THSD7B: variants seen among roughly 807,000 people sequenced by gnomAD.
THSD7B encodes thrombospondin type-1 domain-containing protein 7B.
A neutral mutation model predicts 213.6 loss-of-function variants in THSD7B; 138 were observed. The observed-to-expected ratio is 0.65, with a 90% CI of 0.56 to 0.74. THSD7B has a LOEUF of 0.74. THSD7B is among the 30% of genes least tolerant of loss of function. THSD7B has a pLI of 0.00. For synonymous variants in THSD7B, 742 were observed against 687.0 expected, an observed-to-expected ratio of 1.08 and a Z score of -1.25; for missense variants, 1,931 against 1,991.5, an observed-to-expected ratio of 0.97 and a Z score of 0.58.
chr2:137,421,438 TG>T (rs1201192026), intron 14 of THSD7B, among the ~76,000 whole-genome samples: 2 of 152,196 alleles, frequency 1.3e-5, no homozygotes, highest in Admixed American at 6.5e-5. Flanking sequence ...ATTAATTTGC[TG>T]GAGTAGTTCA....
chr2:137,664,189 A>C (rs116404293), intron 26 of THSD7B, among the ~76,000 whole-genome samples: 1 of 152,322 alleles, frequency 6.6e-6, no homozygotes, highest in African/African-American at 2.4e-5. Context: ...TCTCTGAAAA[A>C]TGATCTACTC....
chr2:137,522,518 T>A (rs940375775), intron 15 of THSD7B, among the ~76,000 whole-genome samples: 1 of 151,940 alleles, frequency 6.6e-6, no homozygotes, highest in Non-Finnish European at 1.5e-5. Flanking sequence ...AAGAAAGCAA[T>A]TCAGAGTCAC....
intron 12 of THSD7B, among the ~76,000 whole-genome samples, chr2:137,324,808 A>G (rs1004399556): frequency 6.6e-6 from 1 of 152,244 alleles, no homozygotes; most frequent in Non-Finnish European, 1.5e-5. Flanking sequence ...CAAGAAGACA[A>G]ATTAAAATTA....
At chr2:137,358,082 G>A (rs780203217) in intron 12 of THSD7B, among the ~76,000 whole-genome samples, 1 of 152,092 alleles carries the variant, frequency 6.6e-6, no homozygotes, top group Non-Finnish European at 1.5e-5. Context: ...GAAGTGAACA[G>A]CTTTGCCCTC....
At chr2:136,976,005 A>G (rs954340250) in intron 2 of THSD7B, among the ~76,000 whole-genome samples, 1 of 152,178 alleles carries the variant, frequency 6.6e-6, no homozygotes, top group African/African-American at 2.4e-5. Flanking sequence ...TTTGATGTAT[A>G]GGAATGCTTG....
intron 17 of THSD7B, among the ~76,000 whole-genome samples, chr2:137,591,608 T>G (rs1470811236): frequency 6.6e-6 from 1 of 151,960 alleles, no homozygotes; most frequent in South Asian, 2.1e-4. Context: ...ATTGGTTCCA[T>G]GTATTATGTT....
At chr2:137,207,530 G>A (rs1276883953) in intron 7 of THSD7B, among the ~76,000 whole-genome samples, 2 of 152,064 alleles carry the variant, frequency 1.3e-5, no homozygotes, top group African/African-American at 4.8e-5. Context: ...CAAATTGTTT[G>A]CAAGAAGAAG....
At chr2:137,667,728 A>G (rs150394950) in intron 26 of THSD7B, 46 bp from the exon 27 acceptor site, 2 of 1,493,768 alleles carry the variant, frequency 1.3e-6, no homozygotes, top group South Asian at 1.2e-5. Context: ...CAAATGCTGC[A>G]GACTTCTGTA....
chr2:137,042,175 A>G (rs1686895869), intron 2 of THSD7B, among the ~76,000 whole-genome samples: 1 of 152,074 alleles, frequency 6.6e-6, no homozygotes, highest in Non-Finnish European at 1.5e-5. Flanking sequence ...TGATGTGTTC[A>G]TTGTTTTGTG....
intron 12 of THSD7B, among the ~76,000 whole-genome samples, chr2:137,318,870 C>T (rs10928606): frequency 0.56 from 80,908 of 144,016 alleles, 25,241 homozygotes; most frequent in East Asian, 0.77. Context: ...TCTCGGCTCA[C>T]TGCAACCTCT....
At chr2:137,101,799 C>T (rs1374098508) in intron 4 of THSD7B, among the ~76,000 whole-genome samples, 7 of 152,152 alleles carry the variant, frequency 4.6e-5, no homozygotes, top group Non-Finnish European at 1.0e-4. Context: ...TGGAGTCCAC[C>T]ACCGCGCCAC....
chr2:136,825,873 A>G (rs1682639793), intron 1 of THSD7B, among the ~76,000 whole-genome samples: 1 of 151,920 alleles, frequency 6.6e-6, no homozygotes, highest in Admixed American at 6.6e-5. Context: ...TTTTAAGTAC[A>G]CATATGACTA....
rs142265802 is a variant in THSD7B, at chr2:137,454,142, G to A, written c.3138+3119G>A. On this transcript the variant is annotated intron_variant, in intron 15 of 27. Transcript: ENST00000409968. The stretch of plus-strand genomic sequence containing the variant: ...GTAAATGCCCAGCAATGGGATTGCT[G>A]GATCATATAATGCTATTTTTAGTTT... 6.2e-4 allele frequency among the ~76,000 whole-genome samples: 95 copies of A among 152,154 alleles called. 1 individual carries two copies. The highest frequency in any genetic ancestry group is 2.2e-3 in the African/African-American group (92 of 41,532).
At chr2:137,409,837 C>A (rs1173194372) in intron 13 of THSD7B, among the ~76,000 whole-genome samples, 2 of 152,204 alleles carry the variant, frequency 1.3e-5, no homozygotes, top group Non-Finnish European at 2.9e-5. Context: ...AGTCAATACT[C>A]TGAACTATCA....
In THSD7B at chr2:136,956,685, CT is replaced by C. The variant is rs563157220; in HGVS notation, c.139+74380del. 3.2e-3 allele frequency among the ~76,000 whole-genome samples: 448 copies of C among 140,682 alleles called. 2 individuals carry two copies. Among genetic ancestry groups the C allele is most frequent in the African/African-American group, 8.3e-3 (320 of 38,694 alleles). The allele number at this position is 140,682 out of a possible 152,430, so 92.3% of individuals were successfully genotyped here. On this transcript the variant is annotated intron_variant, in intron 2 of 27. Coordinates refer to ENST00000409968, the MANE Select transcript of THSD7B (RefSeq NM_001316349.2). ...ATATTACTTTAATTTTTTTTCTTTT[CT>C]TTTTTTTTTTTGAGACAGAGTCTTG...
At chr2:136,874,330 G>C (rs552248248) in intron 1 of THSD7B, among the ~76,000 whole-genome samples, 113 of 152,160 alleles carry the variant, frequency 7.4e-4, no homozygotes, top group Non-Finnish European at 1.3e-3. Context: ...TAAATGAAGT[G>C]TTTAGGTCAT....
chr2:137,240,168 A>G (rs2105063158), intron 9 of THSD7B, among the ~76,000 whole-genome samples: 1 of 152,300 alleles, frequency 6.6e-6, no homozygotes, highest in African/African-American at 2.4e-5. Context: ...CAACTCTCTG[A>G]ACACCTGCTT....
At chr2:137,353,256 T>A (rs1486009457) in intron 12 of THSD7B, among the ~76,000 whole-genome samples, 6 of 152,048 alleles carry the variant, frequency 3.9e-5, no homozygotes, top group Non-Finnish European at 8.8e-5. Context: ...AATTGCCAAC[T>A]TAGGGAGAAA....
At chr2:137,260,711 G>A (rs1055689976) in intron 10 of THSD7B, among the ~76,000 whole-genome samples, 1 of 152,176 alleles carries the variant, frequency 6.6e-6, no homozygotes, top group Admixed American at 6.6e-5. Context: ...GATGCAGTGA[G>A]TTATGATCTT....
Sources: allele counts gnomAD v4.1 joint callset (sites outside exome capture counted in the v4.1 genomes callset), GRCh38; gene constraint gnomAD v4.1.1; transcripts MANE v1.5; gene names NCBI Gene and HGNC (gene_info 2026-07-23, HGNC 2026-07-21).